Variants in CEP41 observed in about 807,000 individuals in gnomAD.
The protein encoded by CEP41 is centrosomal protein of 41 kDa.
CEP41 carries 32 observed loss-of-function variants against 44.3 expected under a neutral mutation model. That is an observed-to-expected ratio of 0.72 (90% CI 0.54 to 0.97). The LOEUF (loss-of-function observed/expected upper bound fraction) is 0.97. CEP41 is among the 50% of genes least tolerant of loss of function. The pLI is 0.00. For missense variants in CEP41, 432 were observed against 455.2 expected, an observed-to-expected ratio of 0.95 and a Z score of 0.46; for synonymous variants, 151 against 168.5, an observed-to-expected ratio of 0.90 and a Z score of 0.80.
At chr7:130,420,932 T>G (rs1797489149) in intron 2 of CEP41, 1 of 982,118 alleles carries the variant, frequency 1.0e-6, no homozygotes. Flanking sequence ...CTTTAAACTA[T>G]GTACAACTTG....
At chr7:130,400,628 C>A in intron 9 of CEP41, 79 bp downstream of exon 9, 1 of 898,848 alleles carries the variant, frequency 1.1e-6, no homozygotes, top group Non-Finnish European at 1.8e-6. Context: ...TTCTGAGCAC[C>A]AAGAGAGAAA....
chr7:130,433,688 CTT>C (rs1292296815), intron 1 of CEP41, among the ~76,000 whole-genome samples: 1 of 152,234 alleles, frequency 6.6e-6, no homozygotes, highest in African/African-American at 2.4e-5. Context: ...TCAGGGCAAA[CTT>C]ATCTTCTGGG....
intron 2 of CEP41, among the ~76,000 whole-genome samples, chr7:130,422,567 T>G (rs1333716407): frequency 6.6e-6 from 1 of 152,168 alleles, no homozygotes; most frequent in Non-Finnish European, 1.5e-5. Flanking sequence ...GAAAACTTTT[T>G]CTGAATACAC....
At chr7:130,413,840 G>A (rs998797023) in intron 3 of CEP41, among the ~76,000 whole-genome samples, 1 of 152,076 alleles carries the variant, frequency 6.6e-6, no homozygotes, top group African/African-American at 2.4e-5. Context: ...AACTCTGCCC[G>A]CCCTCATGCT....
chr7:130,434,509 T>C (rs1435165021), intron 1 of CEP41, among the ~76,000 whole-genome samples: 12 of 152,140 alleles, frequency 7.9e-5, no homozygotes, highest in Admixed American at 7.9e-4. Flanking sequence ...AAACTATTCA[T>C]TGCATCAGTG....
chr7:130,404,769 G>T, intron 5 of CEP41, 61 bp from the exon 6 acceptor site: 1 of 1,247,646 alleles, frequency 8.0e-7, no homozygotes, highest in African/African-American at 1.5e-5. Flanking sequence ...TTACTTATTA[G>T]TTCCACTGAC....
chr7:130,394,911 CTT>C lies in CEP41; in HGVS notation c.*3978_*3979del, dbSNP rs556526795. 31 of 454,126 alleles carry C rather than the reference CTT, an allele frequency of 6.8e-5. No homozygotes were observed. Among genetic ancestry groups the C allele is most frequent in the African/African-American group, 4.6e-4 (23 of 50,138 alleles). 28.1% of individuals were successfully genotyped at this position (454,126 alleles called of 1,614,324 possible). ...CCACAGCATTTGAGAAGTGGCCTCT[CTT>C]TGCCTCACATTTTACCAGGTGCTTC... On this transcript the variant is annotated 3_prime_UTR_variant, in exon 11 of 11. Coordinates refer to ENST00000223208, the MANE Select transcript of CEP41 (RefSeq NM_018718.3).
At chr7:130,440,363 A>G (rs544660554) in intron 1 of CEP41, among the ~76,000 whole-genome samples, 4 of 152,272 alleles carry the variant, frequency 2.6e-5, no homozygotes, top group African/African-American at 9.6e-5. Flanking sequence ...TCTTCTTTGT[A>G]CGTCTAGCAC....
chr7:130,418,894 A>C (rs1275665546), intron 2 of CEP41: 1 of 159,282 alleles, frequency 6.3e-6, no homozygotes, highest in East Asian at 1.9e-4. Flanking sequence ...TCCAAACCAC[A>C]ACCTTATTTA....
At chr7:130,426,846 T>C (rs1554423688) in intron 2 of CEP41, 2 of 268,034 alleles carry the variant, frequency 7.5e-6, no homozygotes, top group Non-Finnish European at 1.5e-5. Context: ...TCTCCTTTAT[T>C]GAACTCCGAA....
rs370547426 is a variant in CEP41 at position 130,395,973 on chromosome 7, C to A, written c.*2918G>T. ...GAGATTGAGCCTGACATTATTACAGCCCAGGGTGTTCCTTTTGTTTTCAAA... is the reference window on the plus strand; with the variant it reads ...GAGATTGAGCCTGACATTATTACAGACCAGGGTGTTCCTTTTGTTTTCAAA... On this transcript the variant is annotated 3_prime_UTR_variant, in exon 11 of 11. Transcript: ENST00000223208. 1.1e-5 allele frequency: 5 copies of A among 453,794 alleles called. No individual in the cohort carries two copies. Among genetic ancestry groups the A allele is most frequent in the East Asian group, 1.4e-4 (2 of 14,404 alleles). The allele number at this position is 453,794 out of a possible 1,614,324, so 28.1% of individuals were successfully genotyped here.
chr7:130,402,008 A>G lies in CEP41; in HGVS notation c.575-60T>C, dbSNP rs139868326. The G allele has an allele frequency of 1.6e-4, 185 of 1,151,124 alleles. 1 individual carries two copies. In the East Asian group the frequency reaches 2.4e-3, roughly 15 times the overall value. The allele number at this position is 1,151,124 out of a possible 1,614,324, so 71.3% of individuals were successfully genotyped here. A position where few individuals can be genotyped will look rare whatever the true frequency, so the allele number is the denominator to read the frequency against. Reference sequence around the variant, plus strand: ...GTTCTCTTAATACAACTTGGCCTCAATTCCCAGCTGGTTTAAAATCTAAGA... The same window carrying G: ...GTTCTCTTAATACAACTTGGCCTCAGTTCCCAGCTGGTTTAAAATCTAAGA... On this transcript the variant is annotated intron_variant, in intron 7 of 10. Coordinates refer to ENST00000223208, the MANE Select transcript of CEP41 (RefSeq NM_018718.3).
At position 130,395,127 on chromosome 7, in the gene CEP41, T is replaced by C. The variant is rs926186781; in HGVS notation, c.*3764A>G. 5 of 454,038 alleles carry C rather than the reference T, an allele frequency of 1.1e-5. No homozygotes were observed. The highest frequency in any genetic ancestry group is 2.2e-5 in the Non-Finnish European group (5 of 226,806). 28.1% of individuals were successfully genotyped at this position (454,038 alleles called of 1,614,324 possible). A position where few individuals can be genotyped will look rare whatever the true frequency, so the allele number is the denominator to read the frequency against. Reference sequence around the variant, plus strand: ...ACCATTACATTTTTTATGTTGTAACTGACCTGTGTATCCATTTAAAGATGT... The same window carrying C: ...ACCATTACATTTTTTATGTTGTAACCGACCTGTGTATCCATTTAAAGATGT... On this transcript the variant is annotated 3_prime_UTR_variant, in exon 11 of 11. Transcript: ENST00000223208.
upstream of CEP41, chr7:130,441,179 G>T (rs1256337188): frequency 1.4e-6 from 1 of 699,014 alleles, no homozygotes; most frequent in African/African-American, 1.8e-5. Flanking sequence ...AGGGCAACGC[G>T]GGACGCCGGC....
chr7:130,394,327 G>T lies in CEP41; in HGVS notation c.*4564C>A, dbSNP rs532146907. The T allele has an allele frequency of 4.2e-5, 19 of 454,036 alleles. No individual in the cohort carries two copies. Among genetic ancestry groups the T allele is most frequent in the African/African-American group, 3.6e-4 (18 of 50,086 alleles). 28.1% of individuals were successfully genotyped at this position (454,036 alleles called of 1,614,324 possible). A position where few individuals can be genotyped will look rare whatever the true frequency, so the allele number is the denominator to read the frequency against. On this transcript the variant is annotated 3_prime_UTR_variant, in exon 11 of 11. Coordinates refer to ENST00000223208, the MANE Select transcript of CEP41 (RefSeq NM_018718.3). ...TCAGTCTCCTCATCTGAAAATGGGG[G>T]TGCCTGCCTCATCAGACTGTTGTGG...
chr7:130,420,177 A>C (rs928446699), intron 2 of CEP41: 1 of 487,934 alleles, frequency 2.0e-6, no homozygotes, highest in Non-Finnish European at 2.7e-6. Flanking sequence ...CACATACACA[A>C]AAACTAGCCA....
At chr7:130,435,465 T>C (rs181814030) in intron 1 of CEP41, among the ~76,000 whole-genome samples, 3 of 152,288 alleles carry the variant, frequency 2.0e-5, no homozygotes, top group Admixed American at 2.0e-4. Flanking sequence ...AGAGGATATA[T>C]GGATGACAGA....
intron 1 of CEP41, among the ~76,000 whole-genome samples, chr7:130,430,671 G>A (rs1797797858): frequency 6.6e-6 from 1 of 152,188 alleles, no homozygotes; most frequent in Non-Finnish European, 1.5e-5. Flanking sequence ...AACAGGGAAA[G>A]TATGTGCCTG....
At chr7:130,410,893 T>C in intron 5 of CEP41, 3 of 598,592 alleles carry the variant, frequency 5.0e-6, no homozygotes, top group East Asian at 2.8e-5. Flanking sequence ...ATTAAACACA[T>C]CTAAAACATT....
Sources: gnomAD v4.1 joint callset for allele counts (sites outside exome capture counted in the v4.1 genomes callset) on GRCh38, gnomAD v4.1.1 for gene constraint, MANE v1.5 for transcripts, NCBI Gene and HGNC (gene_info 2026-07-23, HGNC 2026-07-21) for gene names.